The following EXD3 variants were observed in gnomAD, a reference collection of about 807,000 sequenced individuals.
EXD3 encodes exonuclease 3'-5' domain containing 3.
EXD3 carries 92 observed loss-of-function variants against 98.0 expected under a neutral mutation model. That is an observed-to-expected ratio of 0.94 (90% CI 0.79 to 1.12). The LOEUF is 1.12. Ranked by LOEUF, EXD3 falls within the 50% of genes most tolerant of loss-of-function variation. The pLI is 0.00. For missense variants in EXD3, 1,222 were observed against 1,191.6 expected, an observed-to-expected ratio of 1.03 and a Z score of -0.38; for synonymous variants, 569 against 526.0, an observed-to-expected ratio of 1.08 and a Z score of -1.12.
intron 3 of EXD3, among the ~76,000 whole-genome samples, chr9:137,374,053 A>T (rs1004708965): frequency 6.6e-6 from 1 of 152,280 alleles, no homozygotes; most frequent in Non-Finnish European, 1.5e-5. Context: ...GAAACGGATA[A>T]GAGGTGGACG....
chr9:137,372,937 G>A lies in EXD3; in HGVS notation c.430C>T (p.His144Tyr). ...AACCTGCCCTCGTGGTGGAGGCGGTGGACGTGTGCCAGCAGGCAGCTCCTG... is the reference window on the plus strand; with the variant it reads ...AACCTGCCCTCGTGGTGGAGGCGGTAGACGTGTGCCAGCAGGCAGCTCCTG... Reference protein sequence around the residue: ...ADRSCLLAHVHRLHHEGRFRE... With the variant: ...ADRSCLLAHVYRLHHEGRFRE... Residue 144 changes from histidine (H) to tyrosine (Y), a missense_variant, in exon 5 of 22, where the codon CAC becomes TAC. Physicochemically the swap from His to Tyr is moderately conservative, Grantham distance 83 (BLOSUM62 2). Transcript: ENST00000340951. The A allele has an allele frequency of 4.4e-6, 7 of 1,600,938 alleles. No homozygotes were observed. Among genetic ancestry groups the A allele is most frequent in the Non-Finnish European group, 5.9e-6 (7 of 1,179,706 alleles).
intron 1 of EXD3, among the ~76,000 whole-genome samples, chr9:137,400,168 C>A (rs1325684244): frequency 6.6e-6 from 1 of 152,198 alleles, no homozygotes; most frequent in Non-Finnish European, 1.5e-5. Context: ...ATTACTCCCC[C>A]TGGGTCCCTC....
intron 17 of EXD3, among the ~76,000 whole-genome samples, chr9:137,330,944 A>AT (rs1833038275): frequency 6.6e-6 from 1 of 152,198 alleles, no homozygotes; most frequent in Non-Finnish European, 1.5e-5. Flanking sequence ...AATTTGCAGA[A>AT]TTAAGGAAGA....
At chr9:137,384,608 G>A (rs1394072648) in intron 2 of EXD3, among the ~76,000 whole-genome samples, 2 of 152,204 alleles carry the variant, frequency 1.3e-5, no homozygotes, top group African/African-American at 2.4e-5. Context: ...CATCAGGACC[G>A]GCCGACAATG....
intron 1 of EXD3, among the ~76,000 whole-genome samples, chr9:137,406,699 C>T (rs2131810726): frequency 6.6e-6 from 1 of 152,324 alleles, no homozygotes; most frequent in African/African-American, 2.4e-5. Context: ...CCCACGGGCA[C>T]TCCCAGCGGC....
At chr9:137,411,206 G>A (rs950485292) in intron 1 of EXD3, among the ~76,000 whole-genome samples, 7 of 152,202 alleles carry the variant, frequency 4.6e-5, no homozygotes, top group Non-Finnish European at 8.8e-5. Flanking sequence ...CGAATGGAGC[G>A]CAGGCGTGGG....
chr9:137,307,768 C>T, intron 20 of EXD3, 122 bp from the exon 21 acceptor site: 1 of 1,088,142 alleles, frequency 9.2e-7, no homozygotes, highest in African/African-American at 1.5e-5. Flanking sequence ...AGCCTCTTCA[C>T]ACACCCCCCA....
At chr9:137,382,489 C>G (rs1836366045) in intron 3 of EXD3, among the ~76,000 whole-genome samples, 1 of 152,094 alleles carries the variant, frequency 6.6e-6, no homozygotes, top group South Asian at 2.1e-4. Context: ...GACAAGAGAG[C>G]CTGGAAATGG....
Position 137,369,652 on chromosome 9 carries a change from C to T in EXD3, c.463-1663G>A, listed in dbSNP as rs544823160. Among the ~76,000 whole-genome samples, 26 of 152,316 alleles carry T rather than the reference C, an allele frequency of 1.7e-4. 1 individual carries two copies. The South Asian group carries it at 5.4e-3, about 32-fold the overall frequency. On this transcript the variant is annotated intron_variant, in intron 5 of 21. Transcript: ENST00000340951. ...GACTTCAGGCTCCAGTCCCAGCCCT[C>T]GGCGGGCCCCACCCAACCAGGAACC...
intron 1 of EXD3, among the ~76,000 whole-genome samples, chr9:137,408,940 C>T (rs971167771): frequency 6.6e-5 from 10 of 152,180 alleles, no homozygotes; most frequent in Non-Finnish European, 7.3e-5. Context: ...TACAAGGCCC[C>T]GATGGCACTC....
intron 7 of EXD3, among the ~76,000 whole-genome samples, chr9:137,363,183 A>G (rs1245043591): frequency 6.6e-6 from 1 of 151,568 alleles, no homozygotes; most frequent in East Asian, 1.9e-4. Flanking sequence ...TTTTACATTT[A>G]TCCTCATGAA....
chr9:137,332,763 T>C (rs1833152464), intron 17 of EXD3, among the ~76,000 whole-genome samples: 1 of 152,182 alleles, frequency 6.6e-6, no homozygotes, highest in Admixed American at 6.5e-5. Flanking sequence ...GGGAATCCCT[T>C]GAACCCAGGA....
intron 1 of EXD3, among the ~76,000 whole-genome samples, chr9:137,411,485 T>C (rs961085593): frequency 6.6e-6 from 1 of 151,488 alleles, no homozygotes; most frequent in Non-Finnish European, 1.5e-5. Flanking sequence ...CAGGGGCCCC[T>C]CCCTCGAAGC....
intron 17 of EXD3, among the ~76,000 whole-genome samples, chr9:137,325,773 A>G (rs1832368374): frequency 6.6e-6 from 1 of 152,072 alleles, no homozygotes; most frequent in East Asian, 1.9e-4. Flanking sequence ...CCAACTCAAA[A>G]ACATCAGAGC....
In EXD3 at chr9:137,349,160, G is replaced by C. The variant is rs563416988; in HGVS notation, c.1780C>G (p.Arg594Gly). Residue 594 changes from arginine (R) to glycine (G), a missense_variant, in exon 16 of 22, where the codon CGG becomes GGG. By Grantham distance (125) the Arg-to-Gly change is moderately radical. Transcript: ENST00000340951. This position sits in a 1 kb window ranked among gnomAD's most constrained non-coding sequence, Gnocchi z 7.4. ...RPRHRERPGA[R>G]KPPGLQKASA... ...GCTTTCTGCAGGCCGGGTGGCTTCC[G>C]TGCCCCTGGTCTCTCTCTGTGCCTG... is the stretch of plus-strand genomic sequence containing the variant. 13 of 1,595,680 alleles carry C rather than the reference G, an allele frequency of 8.1e-6. No homozygotes were observed. The highest frequency in any genetic ancestry group is 1.1e-5 in the Non-Finnish European group (13 of 1,177,006).
At chr9:137,396,882 C>T (rs184868950) in intron 1 of EXD3, among the ~76,000 whole-genome samples, 18 of 152,338 alleles carry the variant, frequency 1.2e-4, no homozygotes, top group African/African-American at 3.4e-4. Flanking sequence ...TGTGAGGCCA[C>T]GTTTCCCGAC....
intron 1 of EXD3, among the ~76,000 whole-genome samples, chr9:137,411,010 A>C (rs967196758): frequency 4.6e-5 from 7 of 152,190 alleles, no homozygotes; most frequent in African/African-American, 1.7e-4. Flanking sequence ...CCCCAGCCTC[A>C]GTGCAGATTT....
At chr9:137,415,545 C>G (rs1202200826) in intron 1 of EXD3, among the ~76,000 whole-genome samples, 2 of 152,174 alleles carry the variant, frequency 1.3e-5, no homozygotes, top group South Asian at 2.1e-4. Context: ...GGTTTTAGCT[C>G]TGCGGCAAGC....
chr9:137,418,151 A>G (rs954162165), intron 1 of EXD3, among the ~76,000 whole-genome samples: 2 of 152,206 alleles, frequency 1.3e-5, no homozygotes, highest in African/African-American at 4.8e-5. Context: ...GTTCCAGACC[A>G]GCCTGGCCAA....
Sources: gnomAD v4.1 joint callset for allele counts (sites outside exome capture counted in the v4.1 genomes callset) on GRCh38, gnomAD v4.1.1 for gene constraint, Gnocchi (gnomAD v3.1) non-coding constraint, MANE v1.5 for transcripts, NCBI Gene and HGNC (gene_info 2026-07-23, HGNC 2026-07-21) for gene names.